Variants in GANAB observed in about 807,000 individuals in gnomAD.
GANAB encodes glucosidase II alpha subunit.
GANAB carries 35 observed loss-of-function variants against 129.9 expected under a neutral mutation model. That is an observed-to-expected ratio of 0.27 (90% CI 0.21 to 0.36). The LOEUF (loss-of-function observed/expected upper bound fraction) is 0.36. GANAB is among the 10% of genes least tolerant of loss of function. The pLI is 1.00. For synonymous variants in GANAB, 482 were observed against 451.8 expected (o/e 1.07, Z -0.85); for missense variants, 939 against 1,221.0 (o/e 0.77, Z 3.44).
chr11:62,634,830 G>A lies in GANAB; in HGVS notation c.551C>T (p.Pro184Leu), dbSNP rs1364055904. The A allele has an allele frequency of 6.2e-7, 1 of 1,613,576 alleles. No individual in the cohort carries two copies. The highest frequency in any genetic ancestry group is 2.2e-5 in the East Asian group (1 of 44,882). ...GLLEFEHQRA[P>L]RVSQGSKDPA... ...CAACCCCTGTACTCACGAGACCCTA[G>A]GGGCCCTCTGATGCTCAAACTCCAA... The change falls in exon 5 of 24, where the codon CCT becomes CTT. Residue 184 changes from proline to leucine, a missense_variant. Around this residue, in one of 5 missense-constraint regions of GANAB, gnomAD observed 321 missense variants for 329.1 expected, o/e 0.98. Transcript: ENST00000356638.
At position 62,646,567 on chromosome 11, in the gene GANAB, C is replaced by A. The variant is rs760575516; in HGVS notation, c.33G>T (p.Arg11Ser). ...CCAGATTCCGGGCTCCTCACCGCCTCCTACGCGCCGCCACTGCCGCTACCG... is the reference window on the plus strand; with the variant it reads ...CCAGATTCCGGGCTCCTCACCGCCTACTACGCGCCGCCACTGCCGCTACCG... MAAVAAVAARRRRSWASLVLA... is the reference protein window; with the variant it reads MAAVAAVAARSRRSWASLVLA... Residue 11 changes from arginine to serine, a missense_variant, in exon 1 of 24, where the codon AGG becomes AGT. Physicochemically the swap from Arg to Ser is moderately radical, Grantham distance 110 (BLOSUM62 -1). Transcript: ENST00000356638. 6.2e-7 allele frequency: 1 copy of A among 1,613,578 alleles called. No individual in the cohort carries two copies.
chr11:62,639,545 T>G, intron 2 of GANAB, 78 bp from the exon 3 acceptor site: 1 of 1,424,664 alleles, frequency 7.0e-7, no homozygotes, highest in Non-Finnish European at 9.9e-7. Flanking sequence ...TGCAGTGTCC[T>G]TAGGCACTCC....
intron 1 of GANAB, among the ~76,000 whole-genome samples, chr11:62,642,152 A>C (rs1944300153): frequency 6.6e-6 from 1 of 152,060 alleles, no homozygotes; most frequent in Non-Finnish European, 1.5e-5. Flanking sequence ...TGGAGGTTAC[A>C]CTGAGCAGAT....
intron 3 of GANAB, 26 bp downstream of exon 3, chr11:62,639,333 C>G (rs528369334): frequency 1.3e-6 from 2 of 1,484,460 alleles, no homozygotes; most frequent in South Asian, 1.1e-5. Context: ...CCCACCCCCA[C>G]CAGACTCTTC....
At chr11:62,643,274 G>A (rs1370722378) in intron 1 of GANAB, among the ~76,000 whole-genome samples, 1 of 152,316 alleles carries the variant, frequency 6.6e-6, no homozygotes, top group Non-Finnish European at 1.5e-5. Context: ...GGGAGGCCCA[G>A]GTGGGCAGAT....
At chr11:62,639,330 C>T in intron 3 of GANAB, 29 bp downstream of exon 3, 1 of 1,458,486 alleles carries the variant, frequency 6.9e-7, no homozygotes, top group South Asian at 1.1e-5. Context: ...TGCCCCACCC[C>T]CACCAGACTC....
chr11:62,639,270 G>A, intron 3 of GANAB, 89 bp downstream of exon 3: 1 of 1,277,104 alleles, frequency 7.8e-7, no homozygotes, highest in Non-Finnish European at 1.1e-6. Context: ...ATTAGGCTGG[G>A]ACAAGATGTT....
At position 62,625,342 on chromosome 11, in the gene GANAB, A is replaced by G; in HGVS notation, c.*473T>C. On this transcript the variant is annotated 3_prime_UTR_variant, in exon 24 of 24. Transcript: ENST00000356638. Reference sequence around the variant, plus strand: ...TCGGTGGGGCATAAAAAGGGGAGTAAAGCCTGGAGGAAGAAATGAAAGGTG... The same window carrying G: ...TCGGTGGGGCATAAAAAGGGGAGTAGAGCCTGGAGGAAGAAATGAAAGGTG... 1 of 452,170 alleles carries G rather than the reference A, an allele frequency of 2.2e-6. No homozygotes were observed. The highest frequency in any genetic ancestry group is 1.6e-5 in the South Asian group (1 of 64,038). 28.0% of individuals were successfully genotyped at this position (452,170 alleles called of 1,614,324 possible).
chr11:62,626,609 C>T lies in GANAB; in HGVS notation c.2473G>A (p.Asp825Asn). The change falls in exon 21 of 24, where the codon GAT (aspartate) becomes AAT (asparagine). Residue 825 changes from aspartate (D) to asparagine (N), a missense_variant. Coordinates refer to ENST00000356638, the MANE Select transcript of GANAB (RefSeq NM_198334.3). ...GCAACAAAGAGAGTGATGGGGTCAT[C>T]CTTCATACATTCTGAAGACCGCCGC... is the stretch of plus-strand genomic sequence containing the variant. ...RVRRSSECMK[D>N]DPITLFVALS... 1.9e-6 allele frequency: 3 copies of T among 1,612,046 alleles called. No homozygotes were observed. The highest frequency in any genetic ancestry group is 2.5e-6 in the Non-Finnish European group (3 of 1,178,376).
chr11:62,625,328 TA>T lies in GANAB; in HGVS notation c.*486del, dbSNP rs771117093. On this transcript the variant is annotated 3_prime_UTR_variant, in exon 24 of 24. Transcript: ENST00000356638. ...GTGGTCCCAGTGTATCGGTGGGGCA[TA>T]AAAAGGGGAGTAAAGCCTGGAGGAA... is the stretch of plus-strand genomic sequence containing the variant. The T allele has an allele frequency of 4.4e-6, 2 of 452,542 alleles. No homozygotes were observed. Among genetic ancestry groups the T allele is most frequent in the Non-Finnish European group, 4.4e-6 (1 of 225,780 alleles). 28.0% of individuals were successfully genotyped at this position (452,542 alleles called of 1,614,324 possible).
intron 1 of GANAB, chr11:62,640,085 A>C (rs1944161669): frequency 1.7e-5 from 3 of 177,898 alleles, no homozygotes; most frequent in African/African-American, 4.9e-5. Flanking sequence ...AATACAAAAA[A>C]AATTAGCTGG....
At chr11:62,642,840 T>C (rs995754960) in intron 1 of GANAB, among the ~76,000 whole-genome samples, 9 of 152,076 alleles carry the variant, frequency 5.9e-5, no homozygotes, top group Non-Finnish European at 1.0e-4. Flanking sequence ...GTTTTCTTGG[T>C]GAATATAGGG....
At position 62,625,969 on chromosome 11, in the gene GANAB, T is replaced by G. The variant is rs145162136; in HGVS notation, c.2726-45A>C. 2.0e-6 allele frequency: 3 copies of G among 1,475,288 alleles called. No homozygotes were observed. The South Asian group carries it at 3.4e-5, about 17-fold the overall frequency. 91.4% of individuals were successfully genotyped at this position (1,475,288 alleles called of 1,614,324 possible). A position where few individuals can be genotyped will look rare whatever the true frequency, so the allele number is the denominator to read the frequency against. On this transcript the variant is annotated intron_variant, in intron 23 of 23. Coordinates refer to ENST00000356638, the MANE Select transcript of GANAB (RefSeq NM_198334.3). ...GTGCCATAGTCATACCAATGGGCTA[T>G]AGCATAACAACAACGTTCCTACAGG...
At chr11:62,643,821 C>T (rs2134557165) in intron 1 of GANAB, among the ~76,000 whole-genome samples, 1 of 151,880 alleles carries the variant, frequency 6.6e-6, no homozygotes, top group South Asian at 2.1e-4. Flanking sequence ...GTCTCAAAAA[C>T]AAGAAAAAAA....
Position 62,625,346 on chromosome 11 carries a change from C to T in GANAB, c.*469G>A. 2.2e-6 allele frequency: 1 copy of T among 450,840 alleles called. No homozygotes were observed. Among genetic ancestry groups the T allele is most frequent in the Non-Finnish European group, 4.4e-6 (1 of 224,776 alleles). The allele number at this position is 450,840 out of a possible 1,614,324, so 27.9% of individuals were successfully genotyped here. A position where few individuals can be genotyped will look rare whatever the true frequency, so the allele number is the denominator to read the frequency against. ...TGGGGCATAAAAAGGGGAGTAAAGC[C>T]TGGAGGAAGAAATGAAAGGTGGGAG... On this transcript the variant is annotated 3_prime_UTR_variant, in exon 24 of 24. Coordinates refer to ENST00000356638, the MANE Select transcript of GANAB (RefSeq NM_198334.3).
chr11:62,631,222 C>G, intron 9 of GANAB, 39 bp from the exon 10 acceptor site: 2 of 1,506,078 alleles, frequency 1.3e-6, no homozygotes, highest in African/African-American at 1.4e-5. Context: ...CACCTCCTGC[C>G]CTCCCATTTT....
rs962665048 is a variant in GANAB, at chr11:62,629,195, C to A, written c.1935G>T (p.Gly645=). Residue 645 remains glycine (G), a splice_region_variant and synonymous_variant, in exon 16 of 24, where the codon GGG becomes GGT. Coordinates refer to ENST00000356638, the MANE Select transcript of GANAB (RefSeq NM_198334.3). ...ACCCCAAATTCCTCCCTGTCTTACC[C>A]CCACAGAAGGAAAGTCCCACCAGCC... ...SLGLVGLSFC[G]ADVGGFFKNP... is the part of the protein sequence containing the mutation. 4 of 1,606,662 alleles carry A rather than the reference C, an allele frequency of 2.5e-6. No individual in the cohort carries two copies. The highest frequency in any genetic ancestry group is 3.4e-6 in the Non-Finnish European group (4 of 1,173,282).
chr11:62,633,406 C>A (rs1659223747), intron 6 of GANAB, 39 bp downstream of exon 6: 1 of 1,603,522 alleles, frequency 6.2e-7, no homozygotes. Context: ...ACCCTCCCAG[C>A]CAGCCCTATC....
At chr11:62,641,971 C>T (rs1026664833) in intron 1 of GANAB, among the ~76,000 whole-genome samples, 8 of 151,076 alleles carry the variant, frequency 5.3e-5, no homozygotes, top group African/African-American at 1.2e-4. Flanking sequence ...CCGGGGTGGG[C>T]GGATCACAAG....
Sources: gnomAD v4.1 joint callset for allele counts (sites outside exome capture counted in the v4.1 genomes callset) on GRCh38, gnomAD v4.1.1 for gene constraint, gnomAD v4.1.1 regional missense constraint, MANE v1.5 for transcripts, NCBI Gene and HGNC (gene_info 2026-07-23, HGNC 2026-07-21) for gene names.